Variants in MYH2 observed in about 807,000 individuals in gnomAD.
MYH2 encodes the protein myosin heavy chain 2.
MYH2 carries 139 observed loss-of-function variants against 228.1 expected under a neutral mutation model. The ratio of observed to expected loss-of-function variants is 0.61; its 90% CI spans 0.53 to 0.70. The LOEUF is 0.70. MYH2 is among the 30% of genes least tolerant of loss of function. The pLI is 0.00. For missense variants in MYH2, 1,809 were observed against 2,357.5 expected, an observed-to-expected ratio of 0.77 and a Z score of 4.82; for synonymous variants, 796 against 871.1, an observed-to-expected ratio of 0.91 and a Z score of 1.52.
chr17:10,543,072 G>A, intron 9 of MYH2, 26 bp downstream of exon 9: 2 of 1,602,268 alleles, frequency 1.2e-6, no homozygotes, highest in Non-Finnish European at 1.7e-6. Context: ...AATCAGAAAT[G>A]ATTTTAAAGA....
chr17:10,539,110 T>C (rs1893842704), intron 14 of MYH2, 95 bp downstream of exon 14: 1 of 1,602,770 alleles, frequency 6.2e-7, no homozygotes, highest in East Asian at 2.2e-5. Flanking sequence ...ATTTCTACAG[T>C]GGTAAGAAAA....
At chr17:10,534,896 G>A (rs1357350077) in intron 19 of MYH2, 177 bp downstream of exon 19, 4 of 785,234 alleles carry the variant, frequency 5.1e-6, no homozygotes, top group Non-Finnish European at 8.4e-6. Flanking sequence ...CAGCCTGGGT[G>A]ACAGAGCAAG....
In MYH2 at chr17:10,548,465, TAGA is replaced by T. The variant is rs72153874; in HGVS notation, c.-20-528_-20-526del. On this transcript the variant is annotated intron_variant, in intron 2 of 39. Coordinates refer to ENST00000245503, the MANE Select transcript of MYH2 (RefSeq NM_017534.6). ...AAAATTCCATGTCTTGAATGTAATG[TAGA>T]AGAACTTTATTTCCTCCTTTACCTG... Among the ~76,000 whole-genome samples the T allele has an allele frequency of 8.7e-3, 1,321 of 152,354 alleles. 12 individuals carry two copies. The highest frequency in any genetic ancestry group is 0.027 in the African/African-American group (1,134 of 41,566).
rs144860788 is a variant in MYH2 at position 10,540,008 on chromosome 17, G to A, written c.1067C>T (p.Thr356Met). The part of the protein sequence containing the change: ...NEEKVSIYKL[T>M]GAVMHYGNLK... ...GTTCCCATAATGCATCACAGCCCCC[G>A]TGAGCTTGTAAATGGAGACCTTTTC... is the stretch of plus-strand genomic sequence containing the variant. Residue 356 changes from threonine to methionine, a missense_variant, in exon 12 of 40, where the codon ACG becomes ATG. This residue lies in a region of MYH2 where 373 missense variants were observed against 620.4 expected (regional missense o/e 0.60). Transcript: ENST00000245503. The A allele has an allele frequency of 6.2e-6, 10 of 1,613,802 alleles. No individual in the cohort carries two copies. The highest frequency in any genetic ancestry group is 1.7e-5 in the Admixed American group (1 of 59,958).
In MYH2 at chr17:10,531,685, T is replaced by A; in HGVS notation, c.2645A>T (p.Lys882Met). ...TTTTTCTTTCAACAGCGTCACCATCTTTTCTTCCAGTTCCTTCCTTTTTGC... is the reference window on the plus strand; with the variant it reads ...TTTTTCTTTCAACAGCGTCACCATCATTTCTTCCAGTTCCTTCCTTTTTGC... ...SEAKRKELEE[K>M]MVTLLKEKND... Residue 882 changes from lysine to methionine, a missense_variant, in exon 22 of 40, where the codon AAG becomes ATG. Coordinates refer to ENST00000245503, the MANE Select transcript of MYH2 (RefSeq NM_017534.6). The A allele has an allele frequency of 6.2e-7, 1 of 1,614,226 alleles. No individual in the cohort carries two copies. The highest frequency in any genetic ancestry group is 8.5e-7 in the Non-Finnish European group (1 of 1,180,030).
Position 10,543,151 on chromosome 17 carries a change from A to G in MYH2, c.752T>C (p.Ile251Thr). The change falls in exon 9 of 40, where the codon ATC (isoleucine) becomes ACC (threonine). Residue 251 changes from isoleucine (I) to threonine (T), a missense_variant. Coordinates refer to ENST00000245503, the MANE Select transcript of MYH2 (RefSeq NM_017534.6). ...TCCAGTAGTGCCAAAGTGGATTCTG[A>G]TGAATTTACCCTTGAAATAAAAGCT... ...NDNSSRFGKFIRIHFGTTGKL... is the reference protein window; with the variant it reads ...NDNSSRFGKFTRIHFGTTGKL... 6.2e-7 allele frequency: 1 copy of G among 1,610,200 alleles called. No homozygotes were observed. Among genetic ancestry groups the G allele is most frequent in the Non-Finnish European group, 8.5e-7 (1 of 1,177,356 alleles).
chr17:10,542,524 A>G (rs1269233848), intron 10 of MYH2, among the ~76,000 whole-genome samples: 4 of 152,226 alleles, frequency 2.6e-5, no homozygotes, highest in Non-Finnish European at 5.9e-5. Flanking sequence ...GCTCAGTAAA[A>G]AAGTAGATTA....
At chr17:10,530,532 G>GCT (rs1490837971) in intron 22 of MYH2, among the ~76,000 whole-genome samples, 1 of 118,870 alleles carries the variant, frequency 8.4e-6, no homozygotes, top group Non-Finnish European at 1.8e-5. Flanking sequence ...AGCTGCTACT[G>GCT]ATTTTTTTTT....
rs1207091332 is a variant in MYH2, at chr17:10,536,661, G to T, written c.1898-55C>A. 6 of 1,519,144 alleles carry T rather than the reference G, an allele frequency of 3.9e-6. No individual in the cohort carries two copies. In the African/African-American group the frequency reaches 6.8e-5, roughly 17 times the overall value. The allele number at this position is 1,519,144 out of a possible 1,614,324, so 94.1% of individuals were successfully genotyped here. A position where few individuals can be genotyped will look rare whatever the true frequency, so the allele number is the denominator to read the frequency against. ...TTTTGAATTGGCAGGGCTACTTCTT[G>T]CGTATTTGCTGATTTCTGTGTTCAT... On this transcript the variant is annotated intron_variant, in intron 16 of 39. Coordinates refer to ENST00000245503, the MANE Select transcript of MYH2 (RefSeq NM_017534.6).
chr17:10,539,398 T>A (rs767903025), intron 13 of MYH2, 44 bp from the exon 14 acceptor site: 2 of 1,614,200 alleles, frequency 1.2e-6, no homozygotes, highest in Non-Finnish European at 1.7e-6. Flanking sequence ...TAAAGGCCTA[T>A]GAAAATGCTT....
Position 10,523,763 on chromosome 17 carries a change from G to A in MYH2, c.5297C>T (p.Thr1766Ile). ...ACAAGTGTGCCTGCCACTCACATCA[G>A]TGATGGCCTTCTTGGCCTTTTCTTC... is the stretch of plus-strand genomic sequence containing the variant. The part of the protein sequence containing the change: ...NAEEKAKKAI[T>I]DAAMMAEELK... The change falls in exon 36 of 40, where the codon ACT becomes ATT. Residue 1766 changes from threonine (T) to isoleucine (I), a missense_variant. This residue lies in a region of MYH2 where 278 missense variants were observed against 308.5 expected (regional missense o/e 0.90). Coordinates refer to ENST00000245503, the MANE Select transcript of MYH2 (RefSeq NM_017534.6). 3 of 1,614,240 alleles carry A rather than the reference G, an allele frequency of 1.9e-6. No homozygotes were observed. Among genetic ancestry groups the A allele is most frequent in the Non-Finnish European group, 2.5e-6 (3 of 1,180,048 alleles).
chr17:10,528,569 G>T lies in MYH2; in HGVS notation c.3744+121C>A. 5 of 1,421,732 alleles carry T rather than the reference G, an allele frequency of 3.5e-6. No individual in the cohort carries two copies. In the Admixed American group the frequency reaches 5.5e-5, roughly 16 times the overall value. The allele number at this position is 1,421,732 out of a possible 1,614,324, so 88.1% of individuals were successfully genotyped here. ...ATAATAAAAAATGCTGATTTTTTGT[G>T]CTTACTTCCCTGAATTACTGCAGTT... On this transcript the variant is annotated intron_variant, in intron 27 of 39. Coordinates refer to ENST00000245503, the MANE Select transcript of MYH2 (RefSeq NM_017534.6).
chr17:10,522,962 G>A (rs1439449391), intron 39 of MYH2, 128 bp downstream of exon 39: 2 of 695,154 alleles, frequency 2.9e-6, no homozygotes, highest in Admixed American at 2.4e-5. Flanking sequence ...TGATACACAA[G>A]AATTATTGTA....
Position 10,533,322 on chromosome 17 carries a change from A to G in MYH2, c.2404T>C (p.Leu802=), listed in dbSNP as rs1345352529. The change falls in exon 21 of 40, where the codon TTG becomes CTG. Residue 802 remains leucine, a synonymous_variant. Transcript: ENST00000245503. ...ATCCTCTGGTACTCCACTCTTGCCA[A>G]GAACCCTCTGCACCTGGCCTGGGTT... ...TRTQARCRGF[L]ARVEYQRMVE... 1 of 1,614,198 alleles carries G rather than the reference A, an allele frequency of 6.2e-7. No homozygotes were observed. Among genetic ancestry groups the G allele is most frequent in the Admixed American group, 1.7e-5 (1 of 60,024 alleles).
intron 4 of MYH2, among the ~76,000 whole-genome samples, chr17:10,547,236 G>C (rs1567738347): frequency 1.3e-5 from 2 of 152,204 alleles, no homozygotes; most frequent in African/African-American, 2.4e-5. Flanking sequence ...CTATTGAAGG[G>C]TTTCTGGGCA....
At chr17:10,521,580 CAT>C (rs3051834) in intron 39 of MYH2, 148 bp from the exon 40 acceptor site, 34,147 of 422,714 alleles carry the variant, frequency 0.081, no homozygotes, top group Middle Eastern at 0.11. Flanking sequence ...TTATTGATGT[CAT>C]ATATATATAT....
At chr17:10,548,598 T>C (rs1035140536) in intron 2 of MYH2, among the ~76,000 whole-genome samples, 25 of 152,318 alleles carry the variant, frequency 1.6e-4, no homozygotes, top group African/African-American at 5.8e-4. Context: ...TGACATAATT[T>C]TTTGCATATT....
At chr17:10,528,056 T>TTTTC (rs2073376384) in intron 27 of MYH2, among the ~76,000 whole-genome samples, 182 bp from the exon 28 acceptor site, 1 of 149,396 alleles carries the variant, frequency 6.7e-6, no homozygotes, top group Admixed American at 6.7e-5. Context: ...TCTTTTTTTT[T>TTTTC]TTTTTTGAGA....
At chr17:10,527,162 G>T in intron 28 of MYH2, 106 bp from the exon 29 acceptor site, 1 of 999,538 alleles carries the variant, frequency 1.0e-6, no homozygotes, top group Non-Finnish European at 1.6e-6. Flanking sequence ...TGAGTGCTCA[G>T]ATGGTTGAAT....
Sources: allele counts gnomAD v4.1 joint callset (sites outside exome capture counted in the v4.1 genomes callset), GRCh38; gene constraint gnomAD v4.1.1; regional missense constraint gnomAD v4.1.1; transcripts MANE v1.5; gene names NCBI Gene and HGNC (gene_info 2026-07-23, HGNC 2026-07-21).